The following CDCA7L variants were observed in gnomAD, a reference collection of about 807,000 sequenced individuals.
CDCA7L encodes the protein cell division cycle associated 7 like, also known as cell division cycle-associated 7-like protein.
Under a neutral mutation model 57.4 loss-of-function variants are expected in CDCA7L, and 44 were observed. The observed-to-expected ratio is 0.77, with a 90% confidence interval of 0.60 to 0.98. CDCA7L has a LOEUF of 0.98. Ranked by LOEUF, CDCA7L falls within the 50% of genes least tolerant of loss-of-function variation. The probability of loss-of-function intolerance (pLI) is 0.00; values close to 1 mark genes in which losing one functional copy is unlikely to be tolerated. For missense variants in CDCA7L, 644 were observed against 580.6 expected, an observed-to-expected ratio of 1.11 and a Z score of -1.12; for synonymous variants, 236 against 202.8, an observed-to-expected ratio of 1.16 and a Z score of -1.39.
rs550869334 is a variant in CDCA7L at position 21,940,495 on chromosome 7, C to T, written c.24+5286G>A. ...CTAAGAGAGCTGATGAAAACTGAGT[C>T]GTAAGTGGTAGGGTAAGAGAAACAA... On this transcript the variant is annotated intron_variant, in intron 1 of 9. Coordinates refer to ENST00000406877, the MANE Select transcript of CDCA7L (RefSeq NM_018719.5). Among the ~76,000 whole-genome samples, 502 of 152,226 alleles carry T rather than the reference C, an allele frequency of 3.3e-3. 1 individual carries two copies. The highest frequency in any genetic ancestry group is 4.5e-3 in the Non-Finnish European group (309 of 68,030).
Position 21,911,772 on chromosome 7 carries a change from A to G in CDCA7L, c.166-18T>C, listed in dbSNP as rs754953949. The G allele has an allele frequency of 1.9e-5, 30 of 1,609,022 alleles. No individual in the cohort carries two copies. The South Asian group carries it at 3.1e-4, about 17-fold the overall frequency. On this transcript the variant is annotated intron_variant, in intron 2 of 9. Coordinates refer to ENST00000406877, the MANE Select transcript of CDCA7L (RefSeq NM_018719.5). ...ACATCCTGCTAAATTAAAGACACAC[A>G]TACATCAGAGACGGAAAGTAGAATA...
At chr7:21,929,770 A>G (rs560397150) in intron 1 of CDCA7L, among the ~76,000 whole-genome samples, 3 of 152,184 alleles carry the variant, frequency 2.0e-5, no homozygotes, top group Non-Finnish European at 2.9e-5. Flanking sequence ...AAGAGCAGCT[A>G]ACTACACTAA....
At chr7:21,931,018 T>C (rs1785993238) in intron 1 of CDCA7L, among the ~76,000 whole-genome samples, 1 of 152,118 alleles carries the variant, frequency 6.6e-6, no homozygotes, top group South Asian at 2.1e-4. Context: ...ACAAATAAAC[T>C]AGAAAATCTA....
chr7:21,908,967 G>A (rs926361027), intron 3 of CDCA7L, among the ~76,000 whole-genome samples: 12 of 152,194 alleles, frequency 7.9e-5, no homozygotes, highest in South Asian at 2.1e-4. Context: ...ATAACAGGGC[G>A]GGAGAGCTGA....
rs758391117 is a variant in CDCA7L at position 21,945,775 on chromosome 7, C to T, written c.24+6G>A. On this transcript the variant is annotated splice_donor_region_variant and intron_variant, in intron 1 of 9. Coordinates refer to ENST00000406877, the MANE Select transcript of CDCA7L (RefSeq NM_018719.5). The stretch of plus-strand genomic sequence containing the variant: ...TCCGGACGGCGGCGGGCGGCCGGAC[C>T]CTCACCTGGTAGCGAGTCGCCAACT... 5 of 1,599,364 alleles carry T rather than the reference C, an allele frequency of 3.1e-6. No individual in the cohort carries two copies. Among genetic ancestry groups the T allele is most frequent in the Non-Finnish European group, 4.3e-6 (5 of 1,174,378 alleles).
At chr7:21,910,702 G>C (rs1583848799) in intron 3 of CDCA7L, among the ~76,000 whole-genome samples, 2 of 152,346 alleles carry the variant, frequency 1.3e-5, no homozygotes, top group South Asian at 4.1e-4. Context: ...CGAGTGGGCA[G>C]TAAACTAGCC....
intron 1 of CDCA7L, among the ~76,000 whole-genome samples, chr7:21,935,374 G>A (rs1015739868): frequency 1.3e-5 from 2 of 151,954 alleles, no homozygotes; most frequent in Non-Finnish European, 2.9e-5. Context: ...AAAATATATG[G>A]GATGCAGCAA....
chr7:21,932,275 T>TAGAA (rs1456073133), intron 1 of CDCA7L, among the ~76,000 whole-genome samples: 1 of 152,184 alleles, frequency 6.6e-6, no homozygotes, highest in African/African-American at 2.4e-5. Context: ...TACCAATGAC[T>TAGAA]TTCTTTACAG....
intron 9 of CDCA7L, 124 bp from the exon 10 acceptor site, chr7:21,902,476 A>G: frequency 5.4e-6 from 5 of 928,302 alleles, no homozygotes; most frequent in Non-Finnish European, 8.8e-6. Context: ...GACACTCGAA[A>G]TCCTGACAAT....
rs72658836 is a variant in CDCA7L, at chr7:21,901,101, C to T, written c.*1221G>A. ...CGGTCATCTTTGCAAAAGCCACCCC[C>T]GTGGACAGACAAGAAACCAAACAGA... On this transcript the variant is annotated 3_prime_UTR_variant, in exon 10 of 10. Transcript: ENST00000406877. The T allele has an allele frequency of 1.4e-4, 231 of 1,613,612 alleles. No homozygotes were observed. The Middle Eastern group carries it at 2.3e-3, about 16-fold the overall frequency.
In CDCA7L at chr7:21,901,339, TCTAA is replaced by T. The variant is rs1209040924; in HGVS notation, c.*979_*982del. 3 of 1,414,384 alleles carry T rather than the reference TCTAA, an allele frequency of 2.1e-6. No individual in the cohort carries two copies. Among genetic ancestry groups the T allele is most frequent in the Non-Finnish European group, 2.8e-6 (3 of 1,076,022 alleles). The allele number at this position is 1,414,384 out of a possible 1,614,324, so 87.6% of individuals were successfully genotyped here. A position where few individuals can be genotyped will look rare whatever the true frequency, so the allele number is the denominator to read the frequency against. On this transcript the variant is annotated 3_prime_UTR_variant, in exon 10 of 10. Transcript: ENST00000406877. Reference sequence around the variant, plus strand: ...GCTGCACTGTTCCCATGCACATTATTCTAACTTTTTAGTAACTCACACGTGCATT... The same window carrying T: ...GCTGCACTGTTCCCATGCACATTATTCTTTTTAGTAACTCACACGTGCATT...
chr7:21,908,115 T>G lies in CDCA7L; in HGVS notation c.681+15A>C. The G allele has an allele frequency of 1.3e-6, 2 of 1,505,268 alleles. No homozygotes were observed. The highest frequency in any genetic ancestry group is 1.8e-6 in the Non-Finnish European group (2 of 1,138,056). The allele number at this position is 1,505,268 out of a possible 1,614,324, so 93.2% of individuals were successfully genotyped here. On this transcript the variant is annotated intron_variant, in intron 4 of 9. Transcript: ENST00000406877. ...CCTGGTGCCAACTCCCAGGACGCCC[T>G]CCGTGAAGCCTCACCATGGCTTTGT...
chr7:21,934,821 GAC>G (rs1325061548), intron 1 of CDCA7L, among the ~76,000 whole-genome samples: 2 of 152,130 alleles, frequency 1.3e-5, no homozygotes, highest in Non-Finnish European at 2.9e-5. Context: ...GAAAGACAAA[GAC>G]ATTACAGATT....
chr7:21,939,894 G>A (rs993717739), intron 1 of CDCA7L, among the ~76,000 whole-genome samples: 3 of 147,960 alleles, frequency 2.0e-5, no homozygotes, highest in East Asian at 4.0e-4. Context: ...GAGCACCCTG[G>A]TCTGTTAGGA....
intron 9 of CDCA7L, 173 bp from the exon 10 acceptor site, chr7:21,902,525 C>T (rs920847047): frequency 4.7e-6 from 3 of 636,110 alleles, no homozygotes; most frequent in South Asian, 3.9e-5. Flanking sequence ...GTGTAGTACG[C>T]CCCAAGCATG....
intron 7 of CDCA7L, among the ~76,000 whole-genome samples, chr7:21,905,273 C>T (rs564532148): frequency 2.6e-5 from 4 of 152,094 alleles, no homozygotes; most frequent in Non-Finnish European, 5.9e-5. Flanking sequence ...CTATACCGTT[C>T]CCTTCCCCCA....
intron 7 of CDCA7L, among the ~76,000 whole-genome samples, chr7:21,904,537 T>TC (rs1785070367): frequency 6.6e-6 from 1 of 152,160 alleles, no homozygotes; most frequent in Non-Finnish European, 1.5e-5. Context: ...TCCTGTCAGA[T>TC]CAGCAGCAGC....
Position 21,906,645 on chromosome 7 carries a change from G to A in CDCA7L, c.682-6C>T, listed in dbSNP as rs772749082. The A allele has an allele frequency of 9.3e-6, 15 of 1,613,662 alleles. No individual in the cohort carries two copies. The highest frequency in any genetic ancestry group is 1.7e-4 in the Middle Eastern group (1 of 5,726). ...TCCGCCAATAACTGGGCAAGCTGAAGTTCAGAACAAAAGAAAGAATCTTAC... is the reference window on the plus strand; with the variant it reads ...TCCGCCAATAACTGGGCAAGCTGAAATTCAGAACAAAAGAAAGAATCTTAC... On this transcript the variant is annotated splice_region_variant and splice_polypyrimidine_tract_variant and intron_variant, in intron 4 of 9. Coordinates refer to ENST00000406877, the MANE Select transcript of CDCA7L (RefSeq NM_018719.5).
At chr7:21,916,988 C>A in intron 1 of CDCA7L, 94 bp from the exon 2 acceptor site, 1 of 1,424,216 alleles carries the variant, frequency 7.0e-7, no homozygotes, top group South Asian at 1.2e-5. Context: ...CTCATCACTT[C>A]ATCCAACTGC....
Sources: gnomAD v4.1 joint callset for allele counts (sites outside exome capture counted in the v4.1 genomes callset) on GRCh38, gnomAD v4.1.1 for gene constraint, MANE v1.5 for transcripts, NCBI Gene and HGNC (gene_info 2026-07-23, HGNC 2026-07-21) for gene names.